The following ROBO2 variants were observed in gnomAD, a reference collection of about 807,000 sequenced individuals.
The protein encoded by ROBO2 is roundabout homolog 2.
A neutral mutation model predicts 160.8 loss-of-function variants in ROBO2; 53 were observed. The ratio of observed to expected loss-of-function variants is 0.33; its 90% CI spans 0.26 to 0.41. The LOEUF is 0.41. Among genes scored for constraint, ROBO2 ranks in the 10% least tolerant of loss-of-function variants. The pLI, the probability that ROBO2 is intolerant of heterozygous loss-of-function variation, is 1.00. For missense variants in ROBO2, 1,577 were observed against 1,722.4 expected, an observed-to-expected ratio of 0.92 and a Z score of 1.49; for synonymous variants, 664 against 611.7, an observed-to-expected ratio of 1.09 and a Z score of -1.26.
chr3:76,597,832 A>C (rs968484435), intron 2 of ROBO2, among the ~76,000 whole-genome samples: 1 of 152,100 alleles, frequency 6.6e-6, no homozygotes, highest in Non-Finnish European at 1.5e-5. Context: ...GTTAAGGATT[A>C]TGGCCTCCAT....
At chr3:76,735,791 A>G (rs866919001) in intron 2 of ROBO2, among the ~76,000 whole-genome samples, 1,317 of 107,426 alleles carry the variant, frequency 0.012, 15 homozygotes, top group African/African-American at 0.036. Context: ...AAAAAAGGGG[A>G]AAGGGAAAAG....
At chr3:76,598,119 A>T (rs1404192783) in intron 2 of ROBO2, among the ~76,000 whole-genome samples, 1 of 152,086 alleles carries the variant, frequency 6.6e-6, no homozygotes, top group African/African-American at 2.4e-5. Flanking sequence ...TAGATGCAAT[A>T]CCTTGAATGA....
chr3:77,619,422 G>A (rs759622721), intron 22 of ROBO2, among the ~76,000 whole-genome samples: 44 of 152,094 alleles, frequency 2.9e-4, no homozygotes, highest in African/African-American at 3.6e-4. Context: ...GAAAAGATAC[G>A]CATTAAAATC....
rs146142821 is a variant in ROBO2 at position 76,186,339 on chromosome 3, A to G, written c.109+248737A>G. ...TAAGCCGTGTCATAGTATAATTTCTATCTCCTTCCCCCATACCCTCTCTCG... is the reference window on the plus strand; with the variant it reads ...TAAGCCGTGTCATAGTATAATTTCTGTCTCCTTCCCCCATACCCTCTCTCG... On this transcript the variant is annotated intron_variant, in intron 2 of 26. Coordinates refer to the ROBO2 transcript ENST00000487694. Among the ~76,000 whole-genome samples, 544 of 152,080 alleles carry G rather than the reference A, an allele frequency of 3.6e-3. 3 individuals carry two copies. The highest frequency in any genetic ancestry group is 0.013 in the African/African-American group (521 of 41,508).
intron 2 of ROBO2, among the ~76,000 whole-genome samples, chr3:76,328,791 G>A (rs558725012): frequency 3.8e-4 from 58 of 151,792 alleles, no homozygotes; most frequent in South Asian, 1.9e-3. Context: ...CCCGGGAGGC[G>A]GACCTTGCAG....
chr3:76,763,355 T>G (rs2061406845), intron 2 of ROBO2, among the ~76,000 whole-genome samples: 1 of 151,704 alleles, frequency 6.6e-6, no homozygotes, highest in South Asian at 2.1e-4. Context: ...GCTTATTTAG[T>G]CAATTAACAT....
chr3:76,135,068 C>T (rs2071379492), intron 2 of ROBO2, among the ~76,000 whole-genome samples: 1 of 152,010 alleles, frequency 6.6e-6, no homozygotes, highest in Admixed American at 6.6e-5. Context: ...CTTTTGAGGT[C>T]TTCCTTGGAG....
chr3:77,181,258 A>G (rs923741599), intron 2 of ROBO2, among the ~76,000 whole-genome samples: 1 of 152,082 alleles, frequency 6.6e-6, no homozygotes, highest in African/African-American at 2.4e-5. Context: ...GTTAGGCTCA[A>G]TTAGATGATG....
chr3:76,834,096 T>TTCTTTCTTTCTA (rs2067404166), intron 2 of ROBO2, among the ~76,000 whole-genome samples: 1 of 147,928 alleles, frequency 6.8e-6, no homozygotes, highest in African/African-American at 2.5e-5. Flanking sequence ...CTTTCTTTCT[T>TTCTTTCTTTCTA]TCTTTCTTTC....
chr3:77,111,300 G>A (rs137896653), intron 2 of ROBO2, among the ~76,000 whole-genome samples: 1 of 152,012 alleles, frequency 6.6e-6, no homozygotes, highest in African/African-American at 2.4e-5. Flanking sequence ...TACACAGGAA[G>A]TATGTCTACT....
intron 2 of ROBO2, among the ~76,000 whole-genome samples, chr3:77,213,483 G>A (rs1038208345): frequency 6.6e-6 from 1 of 151,198 alleles, no homozygotes; most frequent in Non-Finnish European, 1.5e-5. Context: ...TTTTTTATTA[G>A]TCCTGCTAGC....
In ROBO2 at chr3:76,909,772, G is replaced by A. The variant is rs572721873; in HGVS notation, c.110-188242G>A. Among the ~76,000 whole-genome samples the A allele has an allele frequency of 3.2e-3, 487 of 152,126 alleles. 2 individuals are homozygous for A. Among genetic ancestry groups the A allele is most frequent in the Non-Finnish European group, 5.2e-3 (351 of 67,990 alleles). ...CAAAAGTTAAGACAAATTTTATTTC[G>A]TGTAAAACTTTCAGTTAATCTTTTC... On this transcript the variant is annotated intron_variant, in intron 2 of 26. Coordinates refer to the ROBO2 transcript ENST00000487694.
chr3:76,459,276 T>C (rs2106733307), intron 2 of ROBO2, among the ~76,000 whole-genome samples: 1 of 152,282 alleles, frequency 6.6e-6, no homozygotes, highest in Admixed American at 6.5e-5. Flanking sequence ...TAGTGATATA[T>C]ATACATATAT....
At chr3:77,218,084 A>C (rs1040185795) in intron 2 of ROBO2, among the ~76,000 whole-genome samples, 6 of 152,182 alleles carry the variant, frequency 3.9e-5, no homozygotes, top group East Asian at 1.9e-4. Context: ...GAAAATTATG[A>C]GTCATAGTTT....
chr3:76,855,703 C>A (rs899985796), intron 2 of ROBO2, among the ~76,000 whole-genome samples: 1 of 152,144 alleles, frequency 6.6e-6, no homozygotes, highest in Admixed American at 6.5e-5. Context: ...TGTCTGATTG[C>A]AGTAGTTTGA....
chr3:77,392,263 C>G (rs2074812901), intron 2 of ROBO2, among the ~76,000 whole-genome samples: 1 of 152,188 alleles, frequency 6.6e-6, no homozygotes, highest in South Asian at 2.1e-4. Context: ...ACCTATTTGA[C>G]TCTGTCAGAA....
At chr3:77,647,304 T>TA (rs2095419269) in exon 26 of ROBO2, 1 of 152,092 alleles carries the variant, frequency 6.6e-6, no homozygotes, top group Non-Finnish European at 1.5e-5. Flanking sequence ...TGTACGTGCT[T>TA]AAAAAACAGT....
At chr3:77,060,486 A>C (rs533687040) in intron 1 of ROBO2, among the ~76,000 whole-genome samples, 37 of 152,336 alleles carry the variant, frequency 2.4e-4, no homozygotes, top group Admixed American at 2.4e-3. Flanking sequence ...ATTGCTCATG[A>C]AAAATTTCAT....
chr3:76,730,394 G>A (rs1233776141), intron 2 of ROBO2, among the ~76,000 whole-genome samples: 2 of 29,588 alleles, frequency 6.8e-5, no homozygotes, highest in Admixed American at 3.4e-4. Flanking sequence ...CTCCCTACCC[G>A]CTTCTCCTCA....
Sources: allele counts gnomAD v4.1 joint callset (sites outside exome capture counted in the v4.1 genomes callset), GRCh38; gene constraint gnomAD v4.1.1; transcripts MANE v1.5; gene names NCBI Gene and HGNC (gene_info 2026-07-23, HGNC 2026-07-21).